NPAS2: variants seen among roughly 807,000 people sequenced by gnomAD.
NPAS2 encodes the protein neuronal PAS domain-containing protein 2.
In NPAS2, 23 loss-of-function variants were observed where a neutral mutation model predicts 107.5. That is an observed-to-expected ratio of 0.21 (90% CI 0.15 to 0.30). The LOEUF is 0.30. NPAS2 is among the 10% of genes least tolerant of loss of function. The pLI is 1.00. For missense variants in NPAS2, 756 were observed against 1,043.3 expected (o/e 0.72, Z 3.79); for synonymous variants, 403 against 417.5 (o/e 0.97, Z 0.42).
At position 100,965,080 on chromosome 2, in the gene NPAS2, C is replaced by T. The variant is rs2105157766; in HGVS notation, c.800+137C>T. 1 of 576,354 alleles carries T rather than the reference C, an allele frequency of 1.7e-6. No individual in the cohort carries two copies. The highest frequency in any genetic ancestry group is 3.9e-5 in the Admixed American group (1 of 25,628). The allele number at this position is 576,354 out of a possible 1,614,324, so 35.7% of individuals were successfully genotyped here. A position where few individuals can be genotyped will look rare whatever the true frequency, so the allele number is the denominator to read the frequency against. On this transcript the variant is annotated intron_variant, in intron 9 of 20. Transcript: ENST00000335681. The surrounding 1 kb of genome is among the most constrained non-coding windows in gnomAD (Gnocchi z 4.3). ...CTCTCTGGCACTAGGAAAAGTCGTC[C>T]CTGCCAAGGGTGGGTGGTTTCCCTC...
intron 1 of NPAS2, among the ~76,000 whole-genome samples, chr2:100,869,424 TAA>T (rs1339185263): frequency 6.6e-6 from 1 of 152,212 alleles, no homozygotes; most frequent in Admixed American, 6.5e-5. Context: ...AAGGCTGGGT[TAA>T]AGTTACCTCT....
At chr2:100,985,115 A>G (rs909060442) in intron 16 of NPAS2, 28 of 152,222 alleles carry the variant, frequency 1.8e-4, no homozygotes, top group African/African-American at 6.8e-4. Flanking sequence ...CAACTGGTTC[A>G]TCCATCCATC....
intron 2 of NPAS2, among the ~76,000 whole-genome samples, chr2:100,912,423 G>T (rs529638619): frequency 1.3e-5 from 2 of 152,206 alleles, no homozygotes; most frequent in East Asian, 3.9e-4. Context: ...TTTGGTTTAG[G>T]CATTAACTAT....
intron 1 of NPAS2, among the ~76,000 whole-genome samples, chr2:100,880,765 C>T (rs1297734822): frequency 6.6e-6 from 1 of 151,508 alleles, no homozygotes; most frequent in African/African-American, 2.4e-5. Context: ...TGAATTTTAC[C>T]TCAATTTAAA....
At chr2:100,902,944 G>T (rs1382119674) in intron 1 of NPAS2, among the ~76,000 whole-genome samples, 3 of 151,906 alleles carry the variant, frequency 2.0e-5, no homozygotes, top group Non-Finnish European at 2.9e-5. Context: ...TGGGTGTAGA[G>T]CATCCAGGTT....
rs771341508 is a variant in NPAS2, at chr2:100,949,426, T to C, written c.544T>C (p.Phe182Leu). Residue 182 changes from phenylalanine to leucine, a missense_variant, in exon 7 of 21, where the codon TTT becomes CTT. Physicochemically the swap from Phe to Leu is conservative, Grantham distance 22. This residue lies in a region of NPAS2 where 146 missense variants were observed against 249.6 expected (regional missense o/e 0.58). Transcript: ENST00000335681. The stretch of plus-strand genomic sequence containing the variant: ...CAGAGGCAGCTTGAACCCAAAGGAA[T>C]TTCCAACTTATGAATACATAAAATT... ...LLRGSLNPKE[F>L]PTYEYIKFVG... is the part of the protein sequence containing the mutation. The C allele has an allele frequency of 1.2e-6, 2 of 1,613,774 alleles. No individual in the cohort carries two copies. Among genetic ancestry groups the C allele is most frequent in the East Asian group, 2.2e-5 (1 of 44,878 alleles).
chr2:100,970,901 A>T, intron 11 of NPAS2, 89 bp from the exon 12 acceptor site: 1 of 1,139,638 alleles, frequency 8.8e-7, no homozygotes, highest in South Asian at 1.3e-5. Flanking sequence ...TACGTAGAGA[A>T]CCTCGATGTA....
intron 1 of NPAS2, among the ~76,000 whole-genome samples, chr2:100,902,148 ACTT>A (rs1681826586): frequency 1.3e-5 from 2 of 152,084 alleles, no homozygotes; most frequent in Admixed American, 1.3e-4. Context: ...CACCCCCTAA[ACTT>A]CTCTGTGATT....
At chr2:100,893,909 C>T (rs1681241533) in intron 1 of NPAS2, among the ~76,000 whole-genome samples, 1 of 152,202 alleles carries the variant, frequency 6.6e-6, no homozygotes, top group Non-Finnish European at 1.5e-5. Context: ...TTGCTACCTC[C>T]TGCATGAGTG....
At chr2:100,895,650 C>A (rs1681367595) in intron 1 of NPAS2, among the ~76,000 whole-genome samples, 1 of 152,098 alleles carries the variant, frequency 6.6e-6, no homozygotes, top group Admixed American at 6.5e-5. Flanking sequence ...ACTGGCCTTG[C>A]TTGATTAGAT....
chr2:100,992,658 G>T (rs1678203997), intron 19 of NPAS2, among the ~76,000 whole-genome samples: 1 of 152,140 alleles, frequency 6.6e-6, no homozygotes, highest in Non-Finnish European at 1.5e-5. Flanking sequence ...GTTTTGATCT[G>T]CTTTGCCCTA....
At chr2:100,855,487 G>GCA (rs1336878638) in intron 1 of NPAS2, among the ~76,000 whole-genome samples, 3 of 152,188 alleles carry the variant, frequency 2.0e-5, no homozygotes, top group African/African-American at 7.2e-5. Flanking sequence ...TCCATGAAAA[G>GCA]CACTAGCATT....
In NPAS2 at chr2:100,971,084, T is replaced by G. The variant is rs758534983; in HGVS notation, c.1140+10T>G. On this transcript the variant is annotated intron_variant, in intron 12 of 20. Coordinates refer to ENST00000335681, the MANE Select transcript of NPAS2 (RefSeq NM_002518.4). ...CTCCTCAGCACTAAAGGTACGCCCA[T>G]CCCTGCCAGATGGATACGGCAAAGG... is the stretch of plus-strand genomic sequence containing the variant. The G allele has an allele frequency of 1.9e-6, 3 of 1,613,214 alleles. No homozygotes were observed. The highest frequency in any genetic ancestry group is 3.3e-5 in the Admixed American group (2 of 59,950).
intron 1 of NPAS2, among the ~76,000 whole-genome samples, chr2:100,840,603 ATT>A (rs36087386): frequency 6.9e-6 from 1 of 145,652 alleles, no homozygotes; most frequent in Admixed American, 6.8e-5. Context: ...CACAGCCCCC[ATT>A]TTTTTTTTTA....
At position 100,891,689 on chromosome 2, in the gene NPAS2, A is replaced by C. The variant is rs115327073; in HGVS notation, c.-22-13044A>C. 3.0e-3 allele frequency among the ~76,000 whole-genome samples: 451 copies of C among 152,322 alleles called. 1 individual carries two copies. The highest frequency in any genetic ancestry group is 0.01 in the African/African-American group (430 of 41,576). ...GCTGCCTCAATTAGCAATTCACATC[A>C]AACCTCCTACGTTTTGATTAAATGT... On this transcript the variant is annotated intron_variant, in intron 1 of 20. Coordinates refer to ENST00000335681, the MANE Select transcript of NPAS2 (RefSeq NM_002518.4).
intron 5 of NPAS2, among the ~76,000 whole-genome samples, chr2:100,942,724 T>C (rs1674648684): frequency 1.3e-5 from 2 of 152,186 alleles, no homozygotes; most frequent in Admixed American, 6.6e-5. Flanking sequence ...ACCATTTTCC[T>C]GACTTTTAAG....
intron 1 of NPAS2, among the ~76,000 whole-genome samples, chr2:100,842,109 A>ACACACACACT (rs1558798546): frequency 6.6e-6 from 1 of 151,118 alleles, no homozygotes; most frequent in African/African-American, 2.5e-5. Flanking sequence ...ACACACACAC[A>ACACACACACT]CTTAAGCCCC....
At chr2:100,848,002 G>T (rs1199745916) in intron 1 of NPAS2, among the ~76,000 whole-genome samples, 1 of 152,192 alleles carries the variant, frequency 6.6e-6, no homozygotes, top group Admixed American at 6.5e-5. Context: ...AAAGAAAAGA[G>T]TTGATGCAGA....
rs78093634 is a variant in NPAS2 at position 100,910,884 on chromosome 2, A to C, written c.32+6098A>C. On this transcript the variant is annotated intron_variant, in intron 2 of 20. Transcript: ENST00000335681. ...GACTCTGAGCCCAGTGATGCCCCCA[A>C]ACCGCATGGCCTCAGCATGCAGGGA... is the stretch of plus-strand genomic sequence containing the variant. Among the ~76,000 whole-genome samples the C allele has an allele frequency of 9.2e-3, 1,399 of 152,238 alleles. 10 individuals are homozygous for C. Among genetic ancestry groups the C allele is most frequent in the Non-Finnish European group, 0.016 (1,119 of 68,006 alleles).
Sources: gnomAD v4.1 joint callset for allele counts (sites outside exome capture counted in the v4.1 genomes callset) on GRCh38, gnomAD v4.1.1 for gene constraint, gnomAD v4.1.1 regional missense constraint, Gnocchi (gnomAD v3.1) non-coding constraint, MANE v1.5 for transcripts, NCBI Gene and HGNC (gene_info 2026-07-23, HGNC 2026-07-21) for gene names.